Variants in ODF2 observed in about 807,000 individuals in gnomAD.
The protein encoded by ODF2 is outer dense fiber of sperm tails 2.
In ODF2, 47 loss-of-function variants were observed where a neutral mutation model predicts 110.2. The ratio of observed to expected loss-of-function variants is 0.43; its 90% confidence interval spans 0.34 to 0.54. ODF2 has a LOEUF of 0.54. ODF2 is among the 20% of genes least tolerant of loss of function. ODF2 has a pLI of 0.03. For synonymous variants in ODF2, 352 were observed against 397.7 expected, an observed-to-expected ratio of 0.89 and a Z score of 1.37; for missense variants, 812 against 1,054.5, an observed-to-expected ratio of 0.77 and a Z score of 3.19.
At chr9:128,461,453 CTG>C (rs1836425459) in intron 4 of ODF2, 1 of 175,224 alleles carries the variant, frequency 5.7e-6, no homozygotes, top group Non-Finnish European at 1.2e-5. Context: ...GAGCCTTGCT[CTG>C]TCGCCCAGGC....
At chr9:128,484,103 A>G (rs1209083099) in intron 11 of ODF2, 49 bp downstream of exon 11, 2 of 1,355,428 alleles carry the variant, frequency 1.5e-6, no homozygotes, top group Middle Eastern at 2.0e-4. Context: ...GGGCCTGCCA[A>G]TTTGATGGTA....
chr9:128,495,784 C>A (rs1035329319), intron 17 of ODF2, among the ~76,000 whole-genome samples: 1 of 152,152 alleles, frequency 6.6e-6, no homozygotes, highest in Non-Finnish European at 1.5e-5. Context: ...TGAGTGGCCT[C>A]CCCTGATCGA....
intron 4 of ODF2, among the ~76,000 whole-genome samples, chr9:128,462,987 G>A (rs938399014): frequency 1.4e-4 from 21 of 152,256 alleles, no homozygotes; most frequent in Middle Eastern, 3.4e-3. Flanking sequence ...CTGGCTGGGC[G>A]TGGTGGGCTC....
At chr9:128,455,239 A>C, upstream of ODF2, 13 of 1,535,266 alleles carry the variant, frequency 8.5e-6, no homozygotes, top group Non-Finnish European at 1.1e-5. Flanking sequence ...GTCTGTACAC[A>C]GAGCGGCATA....
chr9:128,484,602 C>A, intron 11 of ODF2, 99 bp from the exon 12 acceptor site: 1 of 1,301,546 alleles, frequency 7.7e-7, no homozygotes, highest in South Asian at 1.3e-5. Context: ...CCTCTTTGCT[C>A]TTGCCTTTTC....
intron 5 of ODF2, among the ~76,000 whole-genome samples, chr9:128,470,983 G>A (rs1839862131): frequency 2.6e-5 from 4 of 151,614 alleles, no homozygotes; most frequent in East Asian, 3.9e-4. Context: ...GCACGATCTC[G>A]GCTCACTGCA....
In ODF2 at chr9:128,457,263, C is replaced by T. The variant is rs779660524; in HGVS notation, c.-143C>T. The T allele has an allele frequency of 2.3e-5, 36 of 1,599,344 alleles. No individual in the cohort carries two copies. The South Asian group carries it at 3.9e-4, about 17-fold the overall frequency. ...CAAGTTTTCATCCAACTGCCAACCC[C>T]AAAGCTTCCACCCTTCTCCCCTCAG... On this transcript the variant is annotated 5_prime_UTR_variant, in exon 2 of 21. Transcript: ENST00000604420.
chr9:128,484,655 CCTT>C, intron 11 of ODF2, 43 bp from the exon 12 acceptor site: 1 of 1,545,934 alleles, frequency 6.5e-7, no homozygotes, highest in Non-Finnish European at 8.8e-7. Flanking sequence ...CCCACAACCT[CCTT>C]GTCTCTCTTC....
chr9:128,469,227 G>C, exon 5 of ODF2: 1 of 1,614,054 alleles, frequency 6.2e-7, no homozygotes, highest in Non-Finnish European at 8.5e-7. Context: ...CTTCAGAAAA[G>C]CTGGTCTCAG....
At chr9:128,473,575 C>G in intron 7 of ODF2, 35 bp from the exon 8 acceptor site, 1 of 1,610,826 alleles carries the variant, frequency 6.2e-7, no homozygotes, top group Non-Finnish European at 8.5e-7. Context: ...TCCCTTCTCC[C>G]CCTGCATCTG....
intron 20 of ODF2, 112 bp from the exon 21 acceptor site, chr9:128,499,955 C>T (rs529276469): frequency 9.3e-7 from 1 of 1,073,492 alleles, no homozygotes; most frequent in African/African-American, 1.6e-5. Context: ...AGAAGTCACT[C>T]CACACTCGCC....
At chr9:128,492,970 C>T (rs1415429303) in intron 16 of ODF2, among the ~76,000 whole-genome samples, 165 bp downstream of exon 16, 2 of 151,892 alleles carry the variant, frequency 1.3e-5, no homozygotes, top group African/African-American at 4.8e-5. Flanking sequence ...GTGCCTCTCT[C>T]TCCTTTGTCT....
At chr9:128,467,876 A>AT (rs1040296787) in intron 4 of ODF2, among the ~76,000 whole-genome samples, 1 of 151,972 alleles carries the variant, frequency 6.6e-6, no homozygotes, top group African/African-American at 2.4e-5. Flanking sequence ...CGCCCGGCTA[A>AT]TTTTTTTGTA....
exon 14 of ODF2, chr9:128,487,971 A>G: frequency 2.5e-6 from 4 of 1,613,926 alleles, no homozygotes; most frequent in Non-Finnish European, 3.4e-6. Context: ...TGGAGAGACT[A>G]CACCGTCAGA....
At chr9:128,465,012 A>G (rs147835087) in intron 4 of ODF2, among the ~76,000 whole-genome samples, 15 of 152,318 alleles carry the variant, frequency 9.8e-5, no homozygotes, top group African/African-American at 3.1e-4. Flanking sequence ...TAGTTTTCAA[A>G]GTACACATCA....
At chr9:128,491,993 G>A (rs1844683251) in intron 14 of ODF2, among the ~76,000 whole-genome samples, 1 of 151,504 alleles carries the variant, frequency 6.6e-6, no homozygotes, top group Admixed American at 6.6e-5. Flanking sequence ...AGCCTCCCGA[G>A]TAGCTGGGAC....
rs1036664792 is a variant in ODF2 at position 128,457,511 on chromosome 9, C to T, written c.32+74C>T. 1.5e-5 allele frequency: 23 copies of T among 1,488,544 alleles called. No individual in the cohort carries two copies. The African/African-American group carries it at 2.7e-4, about 17-fold the overall frequency. 92.2% of individuals were successfully genotyped at this position (1,488,544 alleles called of 1,614,324 possible). A position where few individuals can be genotyped will look rare whatever the true frequency, so the allele number is the denominator to read the frequency against. ...CCAGGGGTCCCCAGGGCAGGCTCGC[C>T]TGAGGCTTCCAGCTTCCTCATTGTG... On this transcript the variant is annotated intron_variant, in intron 2 of 20. Coordinates refer to ENST00000604420, the Ensembl canonical transcript of ODF2.
At chr9:128,469,914 C>T (rs528458665) in intron 5 of ODF2, among the ~76,000 whole-genome samples, 1 of 129,050 alleles carries the variant, frequency 7.7e-6, no homozygotes, top group South Asian at 2.7e-4. Flanking sequence ...AACCCAGGAG[C>T]CAGAGGTTGC....
At chr9:128,466,665 A>T (rs553736999) in intron 4 of ODF2, among the ~76,000 whole-genome samples, 4 of 142,720 alleles carry the variant, frequency 2.8e-5, no homozygotes, top group African/African-American at 8.2e-5. Context: ...ATATATATAT[A>T]TTTGTCATTT....
Sources: gnomAD v4.1 joint callset for allele counts (sites outside exome capture counted in the v4.1 genomes callset) on GRCh38, gnomAD v4.1.1 for gene constraint, MANE v1.5 for transcripts, NCBI Gene and HGNC (gene_info 2026-07-23, HGNC 2026-07-21) for gene names.